Variants in MLLT10 observed in about 807,000 individuals in gnomAD.
MLLT10 encodes MLLT10 histone lysine methyltransferase DOT1L cofactor.
In MLLT10, 30 loss-of-function variants were observed where a neutral mutation model predicts 129.1. The observed-to-expected ratio is 0.23, with a 90% CI of 0.17 to 0.32. MLLT10 has a LOEUF of 0.32. MLLT10 is among the 10% of genes least tolerant of loss of function. The pLI is 1.00. For synonymous variants in MLLT10, 490 were observed against 446.4 expected (o/e 1.10, Z -1.23); for missense variants, 1,119 against 1,268.3 (o/e 0.88, Z 1.79).
intron 13 of MLLT10, among the ~76,000 whole-genome samples, chr10:21,692,401 C>T (rs2053953445): frequency 6.6e-6 from 1 of 151,986 alleles, no homozygotes; most frequent in Admixed American, 6.6e-5. Context: ...AATCCCTGGC[C>T]TCACGTGATC....
intron 3 of MLLT10, among the ~76,000 whole-genome samples, chr10:21,567,791 G>GGA (rs1300557836): frequency 6.6e-6 from 1 of 151,542 alleles, no homozygotes; most frequent in Non-Finnish European, 1.5e-5. Context: ...AATCTGGTCT[G>GGA]GAGAGAGAAG....
intron 2 of MLLT10, among the ~76,000 whole-genome samples, chr10:21,538,632 A>G (rs2034532187): frequency 6.6e-6 from 1 of 152,152 alleles, no homozygotes; most frequent in African/African-American, 2.4e-5. Flanking sequence ...GAGGTAACAC[A>G]AAAGAGTTGC....
intron 13 of MLLT10, among the ~76,000 whole-genome samples, chr10:21,709,531 G>A (rs1289609396): frequency 1.3e-5 from 2 of 152,142 alleles, no homozygotes; most frequent in Non-Finnish European, 2.9e-5. Context: ...GCATCTGGCT[G>A]CAGTATTTTA....
At chr10:21,622,910 G>A (rs2046039828) in intron 8 of MLLT10, among the ~76,000 whole-genome samples, 1 of 152,230 alleles carries the variant, frequency 6.6e-6, no homozygotes, top group Admixed American at 6.5e-5. Flanking sequence ...TATAAATTGG[G>A]GGTTCCACAC....
chr10:21,610,824 A>T (rs1001302162), intron 5 of MLLT10, among the ~76,000 whole-genome samples: 2 of 151,776 alleles, frequency 1.3e-5, no homozygotes, highest in Non-Finnish European at 2.9e-5. Flanking sequence ...GTAGGCAAAA[A>T]TGCATGCTAA....
At chr10:21,712,909 A>T (rs61001210) in intron 13 of MLLT10, among the ~76,000 whole-genome samples, 4 of 152,172 alleles carry the variant, frequency 2.6e-5, no homozygotes, top group Admixed American at 6.5e-5. Context: ...TTCTTTTTTT[A>T]AAAAATAAGC....
At chr10:21,731,090 G>T in intron 17 of MLLT10, 36 bp downstream of exon 17, 1 of 1,560,970 alleles carries the variant, frequency 6.4e-7, no homozygotes, top group South Asian at 1.2e-5. Flanking sequence ...AATCAAGACA[G>T]ATGGGCAGAT....
chr10:21,628,975 G>A (rs1398841197), intron 8 of MLLT10, among the ~76,000 whole-genome samples: 2 of 150,100 alleles, frequency 1.3e-5, no homozygotes, highest in Non-Finnish European at 3.0e-5. Context: ...TCTTGAACTT[G>A]TGACCTCAGG....
chr10:21,560,307 C>T (rs2038643429), intron 3 of MLLT10, among the ~76,000 whole-genome samples: 1 of 152,158 alleles, frequency 6.6e-6, no homozygotes, highest in African/African-American at 2.4e-5. Flanking sequence ...CCTGTTTGGC[C>T]TTTTGAGGAA....
At chr10:21,697,099 C>CAAAAAAAAAAAA (rs1163740638) in intron 13 of MLLT10, among the ~76,000 whole-genome samples, 2 of 82,656 alleles carry the variant, frequency 2.4e-5, no homozygotes, top group South Asian at 5.5e-4. Flanking sequence ...CTGATTTAAG[C>CAAAAAAAAAAAA]AAAAAAAAAA....
chr10:21,584,869 C>T (rs1338049276), intron 3 of MLLT10, among the ~76,000 whole-genome samples: 4 of 148,350 alleles, frequency 2.7e-5, no homozygotes, highest in East Asian at 2.0e-4. Flanking sequence ...TGTGTATGTA[C>T]GTGTGTGTGT....
intron 17 of MLLT10, among the ~76,000 whole-genome samples, chr10:21,732,351 A>T (rs1284589521): frequency 6.6e-6 from 1 of 152,168 alleles, no homozygotes; most frequent in Non-Finnish European, 1.5e-5. Flanking sequence ...GGCTGGGCGC[A>T]CACATAGCGC....
At chr10:21,681,410 T>G in intron 12 of MLLT10, 34 bp downstream of exon 12, 1 of 1,464,748 alleles carries the variant, frequency 6.8e-7, no homozygotes, top group African/African-American at 1.4e-5. Context: ...AACCCGGGCC[T>G]TTTGTCTCCT....
At chr10:21,637,882 T>A (rs917630540) in intron 8 of MLLT10, among the ~76,000 whole-genome samples, 2 of 152,224 alleles carry the variant, frequency 1.3e-5, no homozygotes, top group Non-Finnish European at 2.9e-5. Context: ...AATTCACTGT[T>A]AGCTTCCTGC....
intron 13 of MLLT10, among the ~76,000 whole-genome samples, chr10:21,709,628 A>G (rs1564693093): frequency 6.6e-6 from 1 of 152,246 alleles, no homozygotes; most frequent in South Asian, 2.1e-4. Context: ...TTAAAAATGC[A>G]TATCTTTTTC....
chr10:21,694,876 C>T (rs549468663), intron 13 of MLLT10, among the ~76,000 whole-genome samples: 2 of 152,204 alleles, frequency 1.3e-5, no homozygotes, highest in Non-Finnish European at 2.9e-5. Flanking sequence ...TGGGCTCTTA[C>T]CAGGAGGCTT....
Position 21,627,985 on chromosome 10 carries a change from G to A in MLLT10, c.699+10778G>A, listed in dbSNP as rs546674491. Among the ~76,000 whole-genome samples, 7 of 152,264 alleles carry A rather than the reference G, an allele frequency of 4.6e-5. No individual in the cohort carries two copies. The East Asian group carries it at 1.2e-3, about 25-fold the overall frequency. On this transcript the variant is annotated intron_variant, in intron 8 of 22. Transcript: ENST00000307729. ...GCCTAAACTTTCAGTTACTAATTAT[G>A]AAGTATTCAGCTTCTTCCAATTTTC...
intron 17 of MLLT10, 139 bp from the exon 18 acceptor site, chr10:21,732,760 A>G (rs1387927380): frequency 5.7e-6 from 4 of 703,098 alleles, no homozygotes; most frequent in African/African-American, 3.7e-5. Flanking sequence ...TTTAGGAACA[A>G]AACTTTATCA....
intron 8 of MLLT10, among the ~76,000 whole-genome samples, chr10:21,629,987 C>A (rs1211575946): frequency 6.6e-6 from 1 of 152,074 alleles, no homozygotes. Flanking sequence ...AAAAAAGAAT[C>A]TCAGATTTGA....
Sources: gnomAD v4.1 joint callset for allele counts (sites outside exome capture counted in the v4.1 genomes callset) on GRCh38, gnomAD v4.1.1 for gene constraint, MANE v1.5 for transcripts, NCBI Gene and HGNC (gene_info 2026-07-23, HGNC 2026-07-21) for gene names.